Variants in EMSY observed in about 807,000 individuals in gnomAD.
The protein encoded by EMSY is BRCA2-interacting transcriptional repressor EMSY.
In EMSY, 26 loss-of-function variants were observed where a neutral mutation model predicts 134.6. That is an observed-to-expected ratio of 0.19 (90% CI 0.14 to 0.27). EMSY has a LOEUF of 0.27. Among genes scored for constraint, EMSY ranks in the 10% least tolerant of loss-of-function variants. The pLI is 1.00. For synonymous variants in EMSY, 579 were observed against 577.8 expected (o/e 1.00, Z -0.03); for missense variants, 1,305 against 1,611.4 (o/e 0.81, Z 3.26).
At chr11:76,538,458 G>A (rs913513248) in intron 16 of EMSY, among the ~76,000 whole-genome samples, 3 of 151,858 alleles carry the variant, frequency 2.0e-5, no homozygotes, top group Non-Finnish European at 4.4e-5. Flanking sequence ...ATGGGATTTC[G>A]CCATGTTGCC....
chr11:76,540,654 C>T (rs2136656394), intron 17 of EMSY, among the ~76,000 whole-genome samples: 1 of 152,220 alleles, frequency 6.6e-6, no homozygotes, highest in South Asian at 2.1e-4. Context: ...AAAGCTAGTC[C>T]TTATAATACA....
chr11:76,453,751 T>C (rs927124382), intron 4 of EMSY: 1 of 157,750 alleles, frequency 6.3e-6, no homozygotes, highest in South Asian at 2.0e-4. Flanking sequence ...GTATTTGATA[T>C]GTTATTACCT....
At chr11:76,447,388 A>G (rs1287037712) in intron 2 of EMSY, among the ~76,000 whole-genome samples, 3 of 152,204 alleles carry the variant, frequency 2.0e-5, no homozygotes, top group Non-Finnish European at 4.4e-5. Flanking sequence ...AGCCAAGGTA[A>G]TGGTGATAGA....
At chr11:76,534,675 C>G (rs1049241494) in intron 14 of EMSY, among the ~76,000 whole-genome samples, 1 of 152,200 alleles carries the variant, frequency 6.6e-6, no homozygotes, top group Middle Eastern at 3.4e-3. Context: ...TACTTGAATT[C>G]TTTTCATTCT....
At chr11:76,445,064 C>T (rs912916444) in exon 1 of EMSY, 1 of 153,190 alleles carries the variant, frequency 6.5e-6, no homozygotes, top group Middle Eastern at 3.4e-3. Context: ...CAAACAAACC[C>T]AATTCCTGGT....
At chr11:76,491,238 T>C (rs1949413001) in intron 8 of EMSY, among the ~76,000 whole-genome samples, 3 of 150,948 alleles carry the variant, frequency 2.0e-5, no homozygotes. Flanking sequence ...TGGAGTATAG[T>C]GGCATGATCA....
At chr11:76,488,524 AT>A (rs67150598) in intron 8 of EMSY, among the ~76,000 whole-genome samples, 94,694 of 138,632 alleles carry the variant, frequency 0.68, 30,455 homozygotes, top group East Asian at 0.83. Flanking sequence ...TATTTATGCT[AT>A]TTTTTTTTTG....
chr11:76,518,013 A>G (rs1950507026), intron 11 of EMSY, among the ~76,000 whole-genome samples: 1 of 152,224 alleles, frequency 6.6e-6, no homozygotes, highest in South Asian at 2.1e-4. Flanking sequence ...GATCCATGAT[A>G]CTGGGATTAT....
exon 12 of EMSY, chr11:76,523,221 C>G (rs2136281451): frequency 2.5e-6 from 4 of 1,613,756 alleles, no homozygotes; most frequent in Non-Finnish European, 3.4e-6. Flanking sequence ...GTACAAAAGA[C>G]TACAGGAAAA....
chr11:76,498,339 G>C (rs1178874036), intron 9 of EMSY, among the ~76,000 whole-genome samples: 1 of 152,124 alleles, frequency 6.6e-6, no homozygotes, highest in African/African-American at 2.4e-5. Context: ...ACTAGATTCT[G>C]TTGGTTGATT....
intron 5 of EMSY, chr11:76,459,062 G>C (rs55835840): frequency 1.1e-4 from 17 of 152,256 alleles, no homozygotes; most frequent in African/African-American, 4.1e-4. Context: ...TGCATGACAG[G>C]CTCTGTTTTA....
chr11:76,452,932 C>A (rs1283473282), intron 3 of EMSY, among the ~76,000 whole-genome samples: 1 of 152,150 alleles, frequency 6.6e-6, no homozygotes, highest in Non-Finnish European at 1.5e-5. Context: ...TTGTAAGTGA[C>A]AAAATCCTCT....
Position 76,451,901 on chromosome 11 carries a change from G to A in EMSY, c.114G>A (p.Gln38=), listed in dbSNP as rs1233525092. The A allele has an allele frequency of 1.9e-6, 3 of 1,593,654 alleles. No individual in the cohort carries two copies. In the East Asian group the frequency reaches 6.8e-5, roughly 36 times the overall value. ...GAGTTATCAGTGCACTTCGGGCACA[G>A]GGGGATCTCACCAAGGAAAAGAAAG... Residue 38 remains glutamine (Q), a synonymous_variant, in exon 3 of 21, where the codon CAG becomes CAA. Transcript: ENST00000334736.
intron 20 of EMSY, among the ~76,000 whole-genome samples, chr11:76,548,799 C>T (rs569690449): frequency 2.0e-5 from 3 of 152,282 alleles, no homozygotes; most frequent in East Asian, 1.9e-4. Context: ...TTATATTTTC[C>T]CCAGTAAAGG....
chr11:76,471,050 G>A (rs1359832435), intron 7 of EMSY, among the ~76,000 whole-genome samples: 2 of 151,856 alleles, frequency 1.3e-5, no homozygotes, highest in East Asian at 1.9e-4. Flanking sequence ...CTTTACCTTT[G>A]CAGTGTATTC....
intron 6 of EMSY, among the ~76,000 whole-genome samples, chr11:76,462,962 G>A (rs549266076): frequency 9.8e-5 from 15 of 152,328 alleles, no homozygotes; most frequent in African/African-American, 3.6e-4. Context: ...CATCTTTTAG[G>A]TGATTGTTGC....
intron 8 of EMSY, among the ~76,000 whole-genome samples, chr11:76,473,808 C>T (rs1948671283): frequency 6.6e-6 from 1 of 151,596 alleles, no homozygotes; most frequent in African/African-American, 2.4e-5. Flanking sequence ...TGGCCTGTAA[C>T]ATGGTGAAAC....
intron 20 of EMSY, among the ~76,000 whole-genome samples, chr11:76,548,053 G>T (rs951405642): frequency 6.6e-6 from 1 of 152,176 alleles, no homozygotes; most frequent in Non-Finnish European, 1.5e-5. Context: ...CTTTACCTAT[G>T]AAGTGGAAGC....
intron 6 of EMSY, among the ~76,000 whole-genome samples, 190 bp from the exon 8 acceptor site, chr11:76,463,629 CAA>C (rs567081751): frequency 0.33 from 30,654 of 93,886 alleles, 2,763 homozygotes; most frequent in Non-Finnish European, 0.38. Flanking sequence ...GACTCCGTCT[CAA>C]AAAAAAAAAA....
Sources: gnomAD v4.1 joint callset for allele counts (sites outside exome capture counted in the v4.1 genomes callset) on GRCh38, gnomAD v4.1.1 for gene constraint, MANE v1.5 for transcripts, NCBI Gene and HGNC (gene_info 2026-07-23, HGNC 2026-07-21) for gene names.